The following PGAP4 variants were observed in gnomAD, a reference collection of about 807,000 sequenced individuals.
PGAP4 encodes post-GPI attachment to proteins GalNAc transferase 4.
PGAP4 carries 12 observed loss-of-function variants against 28.2 expected under a neutral mutation model. The observed-to-expected ratio is 0.42, with a 90% CI of 0.27 to 0.69. The LOEUF (loss-of-function observed/expected upper bound fraction) is 0.69. Among genes scored for constraint, PGAP4 ranks in the 30% least tolerant of loss-of-function variants. PGAP4 has a pLI of 0.22. For synonymous variants in PGAP4, 205 were observed against 211.8 expected (o/e 0.97, Z 0.28); for missense variants, 425 against 513.5 (o/e 0.83, Z 1.67).
At chr9:101,483,938 A>G (rs1339750884) in intron 1 of PGAP4, among the ~76,000 whole-genome samples, 1 of 152,178 alleles carries the variant, frequency 6.6e-6, no homozygotes, top group Non-Finnish European at 1.5e-5. Flanking sequence ...TAATCTCTAT[A>G]TTTAACATCT....
chr9:101,518,651 C>A (rs868438501), intron 2 of PGAP4, among the ~76,000 whole-genome samples: 7 of 152,180 alleles, frequency 4.6e-5, no homozygotes. Flanking sequence ...TTAATTCATT[C>A]CTTTTTATGG....
At chr9:101,487,556 C>A (rs944734063), upstream of PGAP4, among the ~76,000 whole-genome samples, 1 of 152,076 alleles carries the variant, frequency 6.6e-6, no homozygotes, top group Admixed American at 6.5e-5. Context: ...CGGAATGATC[C>A]GAGGGAGGAA....
At chr9:101,528,411 C>T (rs1056664323) in intron 2 of PGAP4, among the ~76,000 whole-genome samples, 2 of 152,120 alleles carry the variant, frequency 1.3e-5, no homozygotes, top group Admixed American at 6.6e-5. Flanking sequence ...TGACAAATGC[C>T]CTCAGCTGAA....
chr9:101,519,853 G>T (rs972549032), intron 2 of PGAP4, among the ~76,000 whole-genome samples: 3 of 152,008 alleles, frequency 2.0e-5, no homozygotes, highest in Non-Finnish European at 4.4e-5. Flanking sequence ...TATGGTTTCA[G>T]GTCTTAGGTT....
At chr9:101,489,506 G>T (rs10989531), upstream of PGAP4, among the ~76,000 whole-genome samples, 125,901 of 152,226 alleles carry the variant, frequency 0.83, 52,588 homozygotes, top group African/African-American at 0.94. Flanking sequence ...AGGAAACAGT[G>T]ATTAAAACAA....
At chr9:101,478,110 A>G (rs1270966462) in intron 1 of PGAP4, among the ~76,000 whole-genome samples, 1 of 152,238 alleles carries the variant, frequency 6.6e-6, no homozygotes, top group Non-Finnish European at 1.5e-5. Context: ...TAGCTCTAAA[A>G]TGGAAATAAT....
chr9:101,532,036 G>T (rs546659397), intron 1 of PGAP4, among the ~76,000 whole-genome samples: 23 of 152,350 alleles, frequency 1.5e-4, no homozygotes, highest in African/African-American at 5.5e-4. Flanking sequence ...TTGGGAGGCT[G>T]AGGTGGATGG....
At chr9:101,516,388 T>G (rs1179398313) in intron 2 of PGAP4, among the ~76,000 whole-genome samples, 1 of 152,212 alleles carries the variant, frequency 6.6e-6, no homozygotes, top group Admixed American at 6.6e-5. Context: ...CATTAATCAA[T>G]TCACGCTAAT....
At position 101,476,202 on chromosome 9, in the gene PGAP4, G is replaced by A. The variant is rs1826301572; in HGVS notation, c.891C>T (p.Phe297=). The change falls in exon 2 of 2, where the codon TTC becomes TTT. Residue 297 remains phenylalanine (F), a synonymous_variant. Coordinates refer to ENST00000374848, the MANE Select transcript of PGAP4 (RefSeq NM_032342.3). This position sits in a 1 kb window ranked among gnomAD's most constrained non-coding sequence, Gnocchi z 7.0. ...CCACCAGACCCATGCTATACAGGGAGAAGAAGAGCATTACAGGCCAGCTAA... is the reference window on the plus strand; with the variant it reads ...CCACCAGACCCATGCTATACAGGGAAAAGAAGAGCATTACAGGCCAGCTAA... ...PGFSWPVMLF[F]SLYSMGLVEL... is the part of the protein sequence containing the mutation. 2.5e-6 allele frequency: 4 copies of A among 1,614,198 alleles called. No homozygotes were observed. The highest frequency in any genetic ancestry group is 3.4e-6 in the Non-Finnish European group (4 of 1,180,036).
Position 101,476,219 on chromosome 9 carries a change from G to A in PGAP4, c.874C>T (p.Pro292Ser), listed in dbSNP as rs778673337. 6.2e-7 allele frequency: 1 copy of A among 1,614,130 alleles called. No homozygotes were observed. The highest frequency in any genetic ancestry group is 8.5e-7 in the Non-Finnish European group (1 of 1,180,026). The change falls in exon 2 of 2, where the codon CCT becomes TCT. Residue 292 changes from proline to serine, a missense_variant. Transcript: ENST00000374848. This position sits in a 1 kb window ranked among gnomAD's most constrained non-coding sequence, Gnocchi z 7.0. ...TACAGGGAGAAGAAGAGCATTACAG[G>A]CCAGCTAAACCCTGGGCGGCTGGCA... ...RFASRPGFSW[P>S]VMLFFSLYSM...
Position 101,486,643 on chromosome 9 carries a change from G to A in PGAP4, c.-78+306C>T, listed in dbSNP as rs186767252. On this transcript the variant is annotated intron_variant, in intron 1 of 1. Transcript: ENST00000374848. This position sits in a 1 kb window ranked among gnomAD's most constrained non-coding sequence, Gnocchi z 4.7. ...GCTGGCGCAGGCAAGGGCCAGGGAG[G>A]CGCCCCCGAGACACTCAACCATCCC... 6.8e-6 allele frequency among the ~76,000 whole-genome samples: 1 copy of A among 147,442 alleles called. No homozygotes were observed. Among genetic ancestry groups the A allele is most frequent in the East Asian group, 2.1e-4 (1 of 4,838 alleles).
At chr9:101,511,068 A>G (rs534813341) in intron 2 of PGAP4, among the ~76,000 whole-genome samples, 2 of 152,238 alleles carry the variant, frequency 1.3e-5, no homozygotes, top group South Asian at 4.1e-4. Context: ...TCCACCTTAG[A>G]TCATCAGGCA....
Position 101,475,822 on chromosome 9 carries a change from G to A in PGAP4, c.*59C>T. 3 of 1,518,400 alleles carry A rather than the reference G, an allele frequency of 2.0e-6. No individual in the cohort carries two copies. The highest frequency in any genetic ancestry group is 1.9e-5 in the Admixed American group (1 of 53,540). 94.1% of individuals were successfully genotyped at this position (1,518,400 alleles called of 1,614,324 possible). A position where few individuals can be genotyped will look rare whatever the true frequency, so the allele number is the denominator to read the frequency against. On this transcript the variant is annotated 3_prime_UTR_variant, in exon 2 of 2. Coordinates refer to ENST00000374848, the MANE Select transcript of PGAP4 (RefSeq NM_032342.3). ...CTGCAGGCAACCATGTCTAAATAAA[G>A]AGATAAATATTTGAATCTTCAAGAA...
rs1442908903 is a variant in PGAP4, at chr9:101,476,468, T to G, written c.625A>C (p.Met209Leu). ...LQTYNPDYVL[M>L]VEDDAVPEEQ... is the part of the protein sequence containing the mutation. ...TCTGGTACAGCATCGTCTTCTACCA[T>G]CAGGACGTAGTCTGGGTTGTAGGTC... The change falls in exon 2 of 2, where the codon ATG (methionine) becomes CTG (leucine). Residue 209 changes from methionine (M) to leucine (L), a missense_variant. Transcript: ENST00000374848. This position sits in a 1 kb window ranked among gnomAD's most constrained non-coding sequence, Gnocchi z 7.0. 2.5e-6 allele frequency: 4 copies of G among 1,613,978 alleles called. No homozygotes were observed. In the Admixed American group the frequency reaches 6.7e-5, roughly 27 times the overall value.
At chr9:101,495,134 C>T (rs1480534551) in intron 2 of PGAP4, among the ~76,000 whole-genome samples, 3 of 116,896 alleles carry the variant, frequency 2.6e-5, no homozygotes, top group African/African-American at 9.7e-5. Context: ...TTTACTATTT[C>T]TATAAGATTT....
intron 2 of PGAP4, among the ~76,000 whole-genome samples, chr9:101,497,351 T>C (rs952856117): frequency 6.6e-6 from 1 of 151,688 alleles, no homozygotes; most frequent in Non-Finnish European, 1.5e-5. Flanking sequence ...TTATGACGTG[T>C]AAACATTAGG....
chr9:101,521,329 T>C (rs1157338490), intron 2 of PGAP4, among the ~76,000 whole-genome samples: 1 of 152,160 alleles, frequency 6.6e-6, no homozygotes, highest in Non-Finnish European at 1.5e-5. Context: ...CTGCTGTGAA[T>C]CCATGTGGTC....
Position 101,476,856 on chromosome 9 carries a change from A to G in PGAP4, c.237T>C (p.Tyr79=), listed in dbSNP as rs1036322895. 1.8e-5 allele frequency: 29 copies of G among 1,610,386 alleles called. No individual in the cohort carries two copies. The highest frequency in any genetic ancestry group is 2.4e-5 in the Non-Finnish European group (28 of 1,178,238). Residue 79 remains tyrosine (Y), a synonymous_variant, in exon 2 of 2, where the codon TAT becomes TAC. Coordinates refer to ENST00000374848, the MANE Select transcript of PGAP4 (RefSeq NM_032342.3). The surrounding 1 kb of genome is among the most constrained non-coding windows in gnomAD (Gnocchi z 7.0). ...SLKEGEAALH[Y]FEELPSANGS... is the part of the protein sequence containing the mutation. The stretch of plus-strand genomic sequence containing the variant: ...CATTGGCAGAGGGAAGCTCCTCAAA[A>G]TAGTGGAGGGCAGCCTCACCCTCTT...
In PGAP4 at chr9:101,524,551, A is replaced by G. The variant is rs142552466; in HGVS notation, c.-165+6797T>C. On this transcript the variant is annotated intron_variant, in intron 2 of 3. Coordinates refer to the PGAP4 transcript ENST00000374851. The stretch of plus-strand genomic sequence containing the variant: ...GCTAGAGATTTCTTTCTCCCTGTGG[A>G]GTTTTAGCCCCTGCTCCTCTGTCTA... 6.0e-3 allele frequency among the ~76,000 whole-genome samples: 921 copies of G among 152,232 alleles called. 4 individuals are homozygous for G. Among genetic ancestry groups the G allele is most frequent in the Admixed American group, 0.011 (175 of 15,294 alleles).
Sources: allele counts gnomAD v4.1 joint callset (sites outside exome capture counted in the v4.1 genomes callset), GRCh38; gene constraint gnomAD v4.1.1; non-coding constraint Gnocchi (gnomAD v3.1); transcripts MANE v1.5; gene names NCBI Gene and HGNC (gene_info 2026-07-23, HGNC 2026-07-21).